Variants in KPNA4 observed in about 807,000 individuals in gnomAD.
KPNA4 encodes the protein importin subunit alpha-3.
A neutral mutation model predicts 71.3 loss-of-function variants in KPNA4; 13 were observed. The observed-to-expected ratio is 0.18, with a 90% CI of 0.12 to 0.29. The LOEUF is 0.29. KPNA4 is among the 10% of genes least tolerant of loss of function. KPNA4 has a pLI of 1.00. For missense variants in KPNA4, 334 were observed against 603.2 expected (o/e 0.55, Z 4.67); for synonymous variants, 189 against 195.2 (o/e 0.97, Z 0.26).
intron 5 of KPNA4, among the ~76,000 whole-genome samples, chr3:160,533,012 C>T (rs551140739): frequency 1.3e-5 from 2 of 152,282 alleles, no homozygotes; most frequent in South Asian, 2.1e-4. Flanking sequence ...CATAGCCCTA[C>T]GTTTGGTGCT....
chr3:160,539,182 C>CTA (rs1182710622), intron 1 of KPNA4, among the ~76,000 whole-genome samples: 4 of 152,158 alleles, frequency 2.6e-5, no homozygotes, highest in Non-Finnish European at 5.9e-5. Context: ...CTCTCTCTCT[C>CTA]TCTCTTCCCT....
At chr3:160,519,743 C>T (rs1310159457) in intron 11 of KPNA4, among the ~76,000 whole-genome samples, 2 of 139,870 alleles carry the variant, frequency 1.4e-5, no homozygotes, top group South Asian at 2.2e-4. Flanking sequence ...TGCAGTGAGC[C>T]GAGATTGTGC....
intron 13 of KPNA4, among the ~76,000 whole-genome samples, chr3:160,513,838 C>T (rs1721150176): frequency 6.6e-6 from 1 of 152,036 alleles, no homozygotes; most frequent in Non-Finnish European, 1.5e-5. Flanking sequence ...AGGATAATGG[C>T]AATTTTGGTA....
chr3:160,531,786 A>G (rs1721579953), intron 5 of KPNA4, among the ~76,000 whole-genome samples: 1 of 152,080 alleles, frequency 6.6e-6, no homozygotes, highest in African/African-American at 2.4e-5. Flanking sequence ...GTAGATATGA[A>G]CCACTTTACT....
At chr3:160,561,367 T>G (rs1722242380) in intron 1 of KPNA4, among the ~76,000 whole-genome samples, 1 of 151,570 alleles carries the variant, frequency 6.6e-6, no homozygotes, top group Non-Finnish European at 1.5e-5. Flanking sequence ...ACTACCCATT[T>G]CCTGTGTTGC....
At chr3:160,518,453 G>C (rs1232420064) in intron 11 of KPNA4, among the ~76,000 whole-genome samples, 1 of 151,482 alleles carries the variant, frequency 6.6e-6, no homozygotes, top group Non-Finnish European at 1.5e-5. Flanking sequence ...GTTTTTGCAT[G>C]TAGTATGAAG....
intron 1 of KPNA4, among the ~76,000 whole-genome samples, chr3:160,563,094 G>A (rs537021294): frequency 6.6e-6 from 1 of 152,162 alleles, no homozygotes; most frequent in South Asian, 2.1e-4. Context: ...ATGTAAAATA[G>A]CTAAAAAAGT....
chr3:160,521,831 C>T lies in KPNA4; in HGVS notation c.851G>A (p.Gly284Glu), dbSNP rs768913542. Residue 284 changes from glycine (G) to glutamate (E), a missense_variant, in exon 11 of 17, where the codon GGA (glycine) becomes GAA (glutamate). Physicochemically the swap from Gly to Glu is moderately conservative, Grantham distance 98. Transcript: ENST00000334256. ...NEQIQMVIDSGIVPHLVPLLS... is the reference protein window; with the variant it reads ...NEQIQMVIDSEIVPHLVPLLS... ...CAGAGGAACCAAATGAGGAACTATT[C>T]CAGAGTCTATTACCATCTGTATTTG... The T allele has an allele frequency of 5.8e-5, 94 of 1,612,748 alleles. No individual in the cohort carries two copies. Among genetic ancestry groups the T allele is most frequent in the Non-Finnish European group, 7.4e-5 (87 of 1,179,872 alleles).
chr3:160,518,242 C>T (rs1279209699), intron 11 of KPNA4, among the ~76,000 whole-genome samples: 3 of 151,934 alleles, frequency 2.0e-5, no homozygotes, highest in Non-Finnish European at 4.4e-5. Context: ...ATTCTCCTGC[C>T]TCAGCCTCCC....
chr3:160,550,821 A>G (rs1560055457), intron 1 of KPNA4, among the ~76,000 whole-genome samples: 1 of 152,098 alleles, frequency 6.6e-6, no homozygotes, highest in East Asian at 1.9e-4. Context: ...ACTGATTTTC[A>G]TATGTTGAAC....
At position 160,500,075 on chromosome 3, in the gene KPNA4, G is replaced by T. The variant is rs536001096; in HGVS notation, c.*2029C>A. On this transcript the variant is annotated 3_prime_UTR_variant, in exon 17 of 17. Coordinates refer to ENST00000334256, the MANE Select transcript of KPNA4 (RefSeq NM_002268.5). ...AAATTTCTTATTATGCTGGTTCTAG[G>T]TAAAAAGACAGGAAGCTAATGTAAG... The T allele has an allele frequency of 5.9e-5, 9 of 151,420 alleles. No homozygotes were observed. Among genetic ancestry groups the T allele is most frequent in the African/African-American group, 2.2e-4 (9 of 41,274 alleles). The allele number at this position is 151,420 out of a possible 1,614,324, so 9.4% of individuals were successfully genotyped here.
chr3:160,531,682 T>G (rs1721577564), intron 5 of KPNA4, 125 bp from the exon 6 acceptor site: 2 of 448,350 alleles, frequency 4.5e-6, no homozygotes, highest in South Asian at 1.5e-4. Context: ...TCTCTGAAAT[T>G]AACAATTTAT....
At chr3:160,564,460 GGT>G (rs1560058984) in intron 1 of KPNA4, 2 of 152,328 alleles carry the variant, frequency 1.3e-5, no homozygotes, top group Non-Finnish European at 2.9e-5. Flanking sequence ...CTCAGGAGGG[GGT>G]AAAGAGATTT....
chr3:160,538,822 T>C (rs1214890920), intron 1 of KPNA4, among the ~76,000 whole-genome samples: 1 of 152,138 alleles, frequency 6.6e-6, no homozygotes. Context: ...TAATACACTA[T>C]ACAGTAACTT....
chr3:160,560,624 T>C (rs1251116592), intron 1 of KPNA4, among the ~76,000 whole-genome samples: 2 of 152,058 alleles, frequency 1.3e-5, no homozygotes, highest in Non-Finnish European at 2.9e-5. Context: ...CTTCATTCTT[T>C]GAAATCTAAA....
intron 10 of KPNA4, among the ~76,000 whole-genome samples, chr3:160,522,342 T>C (rs1472523292): frequency 1.3e-5 from 2 of 152,266 alleles, no homozygotes; most frequent in East Asian, 1.9e-4. Context: ...AGGAGTTCTC[T>C]AGTATTGTAA....
At chr3:160,505,100 G>C (rs368252209) in intron 15 of KPNA4, 48 bp from the exon 16 acceptor site, 94 of 986,634 alleles carry the variant, frequency 9.5e-5, no homozygotes, top group Non-Finnish European at 1.3e-4. Flanking sequence ...TTAAAGAGCA[G>C]TGACAAGTTA....
intron 1 of KPNA4, among the ~76,000 whole-genome samples, chr3:160,550,053 G>A (rs1319768790): frequency 1.3e-5 from 2 of 152,002 alleles, no homozygotes; most frequent in African/African-American, 2.4e-5. Context: ...AGAAACAGCT[G>A]TTTTTTTGTA....
intron 1 of KPNA4, among the ~76,000 whole-genome samples, chr3:160,550,645 T>C (rs1054908544): frequency 4.6e-5 from 7 of 152,186 alleles, no homozygotes; most frequent in Admixed American, 1.3e-4. Context: ...GGGCTTTTCA[T>C]ATATGGCCCT....
Sources: allele counts gnomAD v4.1 joint callset (sites outside exome capture counted in the v4.1 genomes callset), GRCh38; gene constraint gnomAD v4.1.1; transcripts MANE v1.5; gene names NCBI Gene and HGNC (gene_info 2026-07-23, HGNC 2026-07-21).